LDLRAD4: variants seen among roughly 807,000 people sequenced by gnomAD.
The protein encoded by LDLRAD4 is low density lipoprotein receptor class A domain containing 4.
A neutral mutation model predicts 17.0 loss-of-function variants in LDLRAD4; 5 were observed. The ratio of observed to expected loss-of-function variants is 0.29; its 90% CI spans 0.15 to 0.62. The LOEUF (loss-of-function observed/expected upper bound fraction) is 0.62, where lower values mean the gene tolerates loss of function less well. Among genes scored for constraint, LDLRAD4 ranks in the 20% least tolerant of loss-of-function variants. The probability of loss-of-function intolerance (pLI) is 0.84; values close to 1 mark genes in which losing one functional copy is unlikely to be tolerated. For missense variants in LDLRAD4, 340 were observed against 424.7 expected (o/e 0.80, Z 1.75); for synonymous variants, 168 against 171.8 (o/e 0.98, Z 0.17).
At chr18:13,637,363 G>A (rs2042169408) in intron 4 of LDLRAD4, among the ~76,000 whole-genome samples, 1 of 152,090 alleles carries the variant, frequency 6.6e-6, no homozygotes, top group African/African-American at 2.4e-5. Flanking sequence ...CAGAGCCAGA[G>A]AAGAACTTGC....
chr18:13,511,078 A>G (rs1478031364), intron 3 of LDLRAD4, among the ~76,000 whole-genome samples: 2 of 152,152 alleles, frequency 1.3e-5, no homozygotes, highest in East Asian at 1.9e-4. Context: ...TAGTTCACCC[A>G]TAGAAGTCAT....
intron 3 of LDLRAD4, chr18:13,615,688 A>G (rs1267264858): frequency 6.6e-6 from 1 of 152,270 alleles, no homozygotes; most frequent in Non-Finnish European, 1.5e-5. Context: ...CAATAATAAA[A>G]GAAGGTGCTA....
At chr18:13,353,808 G>A (rs1450582267) in intron 1 of LDLRAD4, among the ~76,000 whole-genome samples, 1 of 152,222 alleles carries the variant, frequency 6.6e-6, no homozygotes, top group Non-Finnish European at 1.5e-5. Flanking sequence ...GAAATGAAAT[G>A]GCAGACATTT....
chr18:13,413,317 A>G (rs1437735982), intron 2 of LDLRAD4, among the ~76,000 whole-genome samples: 1 of 152,240 alleles, frequency 6.6e-6, no homozygotes, highest in Non-Finnish European at 1.5e-5. Flanking sequence ...ACTCACTGAC[A>G]TGTAATTGGT....
At chr18:13,516,896 C>A (rs1217337630) in intron 3 of LDLRAD4, among the ~76,000 whole-genome samples, 17 of 152,194 alleles carry the variant, frequency 1.1e-4, no homozygotes, top group Admixed American at 1.1e-3. Flanking sequence ...GTTCCCCAGG[C>A]TGGAGTGCAG....
intron 3 of LDLRAD4, chr18:13,489,201 C>G (rs1476743265): frequency 1.3e-5 from 2 of 149,560 alleles, no homozygotes; most frequent in Non-Finnish European, 3.0e-5. Context: ...GTTGCCCAGG[C>G]TGGAGTGCAA....
At chr18:13,589,412 G>A (rs771459253) in intron 3 of LDLRAD4, among the ~76,000 whole-genome samples, 9 of 152,196 alleles carry the variant, frequency 5.9e-5, no homozygotes, top group Non-Finnish European at 1.0e-4. Flanking sequence ...GTTCATTTTC[G>A]TTTGCAAATC....
chr18:13,389,720 T>C (rs1054150769), intron 2 of LDLRAD4, among the ~76,000 whole-genome samples: 1 of 149,210 alleles, frequency 6.7e-6, no homozygotes, highest in South Asian at 2.2e-4. Flanking sequence ...TCCACGTGGC[T>C]CCCACTGAGA....
intron 3 of LDLRAD4, among the ~76,000 whole-genome samples, chr18:13,512,724 C>T (rs1221738410): frequency 6.6e-6 from 1 of 152,194 alleles, no homozygotes; most frequent in Non-Finnish European, 1.5e-5. Context: ...CTAACTCTAA[C>T]TGCATTTATG....
chr18:13,310,614 C>A (rs887581925), intron 1 of LDLRAD4, among the ~76,000 whole-genome samples: 1 of 152,108 alleles, frequency 6.6e-6, no homozygotes, highest in Non-Finnish European at 1.5e-5. Context: ...CCCTACCCGC[C>A]CCTTCACCTC....
upstream of LDLRAD4, among the ~76,000 whole-genome samples, chr18:13,275,120 C>G (rs140699954): frequency 5.9e-4 from 89 of 152,064 alleles, 1 homozygote; most frequent in African/African-American, 2.0e-3. Context: ...GAATTAGAGC[C>G]TGGTCTTTTG....
intron 1 of LDLRAD4, among the ~76,000 whole-genome samples, chr18:13,372,141 A>G (rs1207761890): frequency 1.3e-5 from 2 of 152,230 alleles, no homozygotes; most frequent in African/African-American, 4.8e-5. Flanking sequence ...TCTATTGTCG[A>G]ATTCACCAAG....
rs1344134543 is a variant in LDLRAD4 at position 13,440,413 on chromosome 18, G to T, written c.181+2029G>T. 6.6e-6 allele frequency among the ~76,000 whole-genome samples: 1 copy of T among 152,132 alleles called. No individual in the cohort carries two copies. Among genetic ancestry groups the T allele is most frequent in the Non-Finnish European group, 1.5e-5 (1 of 68,020 alleles). On this transcript the variant is annotated intron_variant, in intron 3 of 5. Coordinates refer to ENST00000359446, the Ensembl canonical transcript of LDLRAD4. The surrounding 1 kb of genome is among the most constrained non-coding windows in gnomAD (Gnocchi z 4.4). ...GAGGGAGCAGTTACATCCATCAGTG[G>T]CTCAACTTTGCCCTAACAGAGGAGT...
intron 3 of LDLRAD4, among the ~76,000 whole-genome samples, chr18:13,517,488 C>T (rs1009206153): frequency 1.3e-4 from 20 of 152,182 alleles, no homozygotes; most frequent in African/African-American, 4.8e-4. Flanking sequence ...GCTGGTGAGG[C>T]TTCCTTAGAT....
rs143644992 is a variant in LDLRAD4 at position 13,303,176 on chromosome 18, G to A, written c.-383+24988G>A. 1.8e-4 allele frequency among the ~76,000 whole-genome samples: 28 copies of A among 152,352 alleles called. No homozygotes were observed. In the East Asian group the frequency reaches 5.4e-3, roughly 29 times the overall value. On this transcript the variant is annotated intron_variant, in intron 1 of 5. Transcript: ENST00000359446. ...GCACATGCTGGACAGCAGCCATGTG[G>A]TGCCTAGACCCCGGCCCAGATGTCT...
At chr18:13,525,124 G>A (rs1156317243) in intron 3 of LDLRAD4, among the ~76,000 whole-genome samples, 4 of 152,270 alleles carry the variant, frequency 2.6e-5, no homozygotes, top group South Asian at 2.1e-4. Flanking sequence ...ATCTGGATAC[G>A]GTGCTTTGTG....
chr18:13,458,123 G>GA (rs2092240839), intron 3 of LDLRAD4, among the ~76,000 whole-genome samples: 3 of 152,158 alleles, frequency 2.0e-5, no homozygotes, highest in Admixed American at 2.0e-4. Context: ...CAAGACTACA[G>GA]CCTGCAGAAC....
intron 3 of LDLRAD4, among the ~76,000 whole-genome samples, chr18:13,448,029 C>T (rs779947633): frequency 9.9e-5 from 15 of 152,112 alleles, no homozygotes; most frequent in South Asian, 2.1e-4. Flanking sequence ...AGAAAAGGCC[C>T]GCTGTTACTG....
chr18:13,507,601 T>A (rs536118645), intron 3 of LDLRAD4, among the ~76,000 whole-genome samples: 1 of 152,328 alleles, frequency 6.6e-6, no homozygotes, highest in East Asian at 1.9e-4. Context: ...TCTTTGCAAT[T>A]GTGAATTGTG....
Sources: gnomAD v4.1 joint callset for allele counts (sites outside exome capture counted in the v4.1 genomes callset) on GRCh38, gnomAD v4.1.1 for gene constraint, Gnocchi (gnomAD v3.1) non-coding constraint, MANE v1.5 for transcripts, NCBI Gene and HGNC (gene_info 2026-07-23, HGNC 2026-07-21) for gene names.